ZMAT4: variants seen among roughly 807,000 people sequenced by gnomAD.
ZMAT4 encodes zinc finger matrin-type protein 4.
Under a neutral mutation model 28.7 loss-of-function variants are expected in ZMAT4, and 17 were observed. The observed-to-expected ratio is 0.59, with a 90% CI of 0.41 to 0.89. The LOEUF (loss-of-function observed/expected upper bound fraction) is 0.89. Among genes scored for constraint, ZMAT4 ranks in the 40% least tolerant of loss-of-function variants. The pLI is 0.00. For missense variants in ZMAT4, 240 were observed against 283.8 expected (o/e 0.85, Z 1.11); for synonymous variants, 117 against 109.2 (o/e 1.07, Z -0.44).
At chr8:40,557,958 CAG>C (rs1301496268) in intron 6 of ZMAT4, among the ~76,000 whole-genome samples, 1 of 152,110 alleles carries the variant, frequency 6.6e-6, no homozygotes, top group Non-Finnish European at 1.5e-5. Context: ...GATGATGTGA[CAG>C]AGAACACTGA....
intron 3 of ZMAT4, among the ~76,000 whole-genome samples, chr8:40,740,814 G>A (rs1454960037): frequency 2.6e-5 from 4 of 152,194 alleles, no homozygotes; most frequent in South Asian, 2.1e-4. Flanking sequence ...GAAGGACTGA[G>A]ATGCTGCAGC....
Position 40,751,842 on chromosome 8 carries a change from G to A in ZMAT4, c.192+15799C>T, listed in dbSNP as rs538400927. ...TAAAATAATTTTTAAAATTATAATTGTTTCAAAGAAAAAGAATAGGGCAGT... is the reference window on the plus strand; with the variant it reads ...TAAAATAATTTTTAAAATTATAATTATTTCAAAGAAAAAGAATAGGGCAGT... On this transcript the variant is annotated intron_variant, in intron 3 of 6. Coordinates refer to ENST00000297737, the MANE Select transcript of ZMAT4 (RefSeq NM_024645.3). Among the ~76,000 whole-genome samples, 13 of 152,124 alleles carry A rather than the reference G, an allele frequency of 8.5e-5. 1 individual carries two copies. The South Asian group carries it at 2.7e-3, about 32-fold the overall frequency.
chr8:40,613,227 G>A (rs1262001015), intron 5 of ZMAT4, among the ~76,000 whole-genome samples: 3 of 116,772 alleles, frequency 2.6e-5, no homozygotes. Context: ...CTGTCACTCA[G>A]GCTGGAGTAC....
At chr8:40,813,363 G>A (rs1815404969) in intron 2 of ZMAT4, among the ~76,000 whole-genome samples, 1 of 152,228 alleles carries the variant, frequency 6.6e-6, no homozygotes, top group Admixed American at 6.5e-5. Flanking sequence ...AAATCAGGAA[G>A]GGTAAAGTGA....
intron 6 of ZMAT4, among the ~76,000 whole-genome samples, chr8:40,542,035 G>A (rs933451301): frequency 4.6e-5 from 7 of 152,230 alleles, no homozygotes; most frequent in Non-Finnish European, 8.8e-5. Flanking sequence ...TGCAAGGGAT[G>A]AGTTGGCAGA....
At chr8:40,572,946 T>G (rs559723269) in intron 6 of ZMAT4, among the ~76,000 whole-genome samples, 1 of 152,316 alleles carries the variant, frequency 6.6e-6, no homozygotes, top group South Asian at 2.1e-4. Flanking sequence ...TTGCCTCTGC[T>G]AACAATTACT....
intron 1 of ZMAT4, among the ~76,000 whole-genome samples, chr8:40,867,641 C>A (rs1193868232): frequency 2.0e-5 from 3 of 152,182 alleles, no homozygotes; most frequent in African/African-American, 4.8e-5. Context: ...CTGGATTTGG[C>A]ATTTCCTGTC....
At chr8:40,637,274 C>G (rs1806830547) in intron 5 of ZMAT4, among the ~76,000 whole-genome samples, 1 of 152,100 alleles carries the variant, frequency 6.6e-6, no homozygotes, top group Admixed American at 6.5e-5. Context: ...AAATCATTCT[C>G]AGAATGGAAG....
chr8:40,892,859 G>T (rs145979388), intron 1 of ZMAT4, among the ~76,000 whole-genome samples: 1 of 152,320 alleles, frequency 6.6e-6, no homozygotes, highest in Non-Finnish European at 1.5e-5. Context: ...GTTCTCATCA[G>T]CAGAGGGCAC....
At chr8:40,629,494 G>A (rs975453359) in intron 5 of ZMAT4, among the ~76,000 whole-genome samples, 4 of 151,412 alleles carry the variant, frequency 2.6e-5, no homozygotes, top group African/African-American at 9.7e-5. Context: ...CCATGTTGGT[G>A]TGCTGCACCC....
intron 2 of ZMAT4, among the ~76,000 whole-genome samples, chr8:40,813,372 G>C (rs1018060389): frequency 6.6e-6 from 1 of 152,214 alleles, no homozygotes; most frequent in Non-Finnish European, 1.5e-5. Flanking sequence ...AGGGTAAAGT[G>C]ATTTAGCTAA....
At chr8:40,638,185 T>C (rs1191396446) in intron 5 of ZMAT4, among the ~76,000 whole-genome samples, 2 of 152,194 alleles carry the variant, frequency 1.3e-5, no homozygotes, top group Non-Finnish European at 2.9e-5. Context: ...GTATTGTATA[T>C]TTCAAAATGG....
At chr8:40,607,811 G>C (rs1359336048) in intron 5 of ZMAT4, among the ~76,000 whole-genome samples, 1 of 152,060 alleles carries the variant, frequency 6.6e-6, no homozygotes, top group Non-Finnish European at 1.5e-5. Context: ...CCTAGATCTA[G>C]TCACCCAGCA....
intron 1 of ZMAT4, among the ~76,000 whole-genome samples, chr8:40,833,831 G>A (rs1816379141): frequency 6.6e-6 from 1 of 152,142 alleles, no homozygotes; most frequent in South Asian, 2.1e-4. Context: ...CTTCTGGTTT[G>A]AGGCTGTCTT....
intron 5 of ZMAT4, among the ~76,000 whole-genome samples, chr8:40,597,105 C>T (rs1490842905): frequency 6.6e-6 from 1 of 152,138 alleles, no homozygotes; most frequent in African/African-American, 2.4e-5. Context: ...AATAGATGTA[C>T]ATATTTCTTG....
intron 5 of ZMAT4, among the ~76,000 whole-genome samples, chr8:40,599,552 C>T (rs961311270): frequency 2.0e-5 from 3 of 152,186 alleles, no homozygotes; most frequent in African/African-American, 7.2e-5. Flanking sequence ...TTAAGTTTCT[C>T]CTCCCCTTGG....
chr8:40,647,381 G>T (rs1478028383), intron 5 of ZMAT4, among the ~76,000 whole-genome samples: 1 of 152,192 alleles, frequency 6.6e-6, no homozygotes, highest in Admixed American at 6.5e-5. Context: ...CTTAAAACAC[G>T]GCGCACCACA....
chr8:40,764,099 AG>A (rs1392397018), intron 3 of ZMAT4, among the ~76,000 whole-genome samples: 6 of 152,192 alleles, frequency 3.9e-5, no homozygotes, highest in Admixed American at 2.0e-4. Flanking sequence ...AGATAATAAA[AG>A]GGTGAAAAAC....
intron 6 of ZMAT4, among the ~76,000 whole-genome samples, chr8:40,541,940 A>G (rs183716627): frequency 1.1e-4 from 16 of 152,344 alleles, no homozygotes; most frequent in South Asian, 8.3e-4. Context: ...TGTTCAGGTC[A>G]GCCACTGGCA....
Sources: allele counts gnomAD v4.1 joint callset (sites outside exome capture counted in the v4.1 genomes callset), GRCh38; gene constraint gnomAD v4.1.1; transcripts MANE v1.5; gene names NCBI Gene and HGNC (gene_info 2026-07-23, HGNC 2026-07-21).